SSH2: variants seen among roughly 807,000 people sequenced by gnomAD.
SSH2 encodes the protein protein phosphatase Slingshot homolog 2.
Under a neutral mutation model 135.2 loss-of-function variants are expected in SSH2, and 37 were observed. That is an observed-to-expected ratio of 0.27 (90% CI 0.21 to 0.36). SSH2 has a LOEUF of 0.36. Among genes scored for constraint, SSH2 ranks in the 10% least tolerant of loss-of-function variants. The pLI, the probability that SSH2 is intolerant of heterozygous loss-of-function variation, is 1.00. For synonymous variants in SSH2, 628 were observed against 646.2 expected (o/e 0.97, Z 0.43); for missense variants, 1,408 against 1,765.3 (o/e 0.80, Z 3.63).
At chr17:29,743,321 G>T (rs1431031939) in intron 3 of SSH2, among the ~76,000 whole-genome samples, 2 of 152,026 alleles carry the variant, frequency 1.3e-5, no homozygotes, top group Non-Finnish European at 1.5e-5. Context: ...AATTTCTCCT[G>T]AAGTTATTTA....
intron 2 of SSH2, among the ~76,000 whole-genome samples, chr17:29,801,057 G>A (rs1946148454): frequency 6.6e-6 from 1 of 151,806 alleles, no homozygotes; most frequent in Admixed American, 6.6e-5. Flanking sequence ...TAGAGATGGG[G>A]TTTTGCCATG....
At chr17:29,704,311 G>C (rs947567170) in intron 3 of SSH2, among the ~76,000 whole-genome samples, 8 of 152,158 alleles carry the variant, frequency 5.3e-5, no homozygotes, top group Non-Finnish European at 1.2e-4. Context: ...TCAGTGAAAA[G>C]TAGTAGGCAG....
chr17:29,888,072 A>T (rs1256656171), intron 1 of SSH2, among the ~76,000 whole-genome samples: 2 of 152,128 alleles, frequency 1.3e-5, no homozygotes, highest in South Asian at 4.1e-4. Context: ...TCTCATTTCT[A>T]CAAAAAAATT....
At chr17:29,738,806 G>A (rs367840523) in intron 3 of SSH2, among the ~76,000 whole-genome samples, 1 of 151,806 alleles carries the variant, frequency 6.6e-6, no homozygotes, top group East Asian at 1.9e-4. Flanking sequence ...CGCCCGCCCC[G>A]GCCTCCCAAA....
At chr17:29,695,601 C>G (rs763324820) in intron 4 of SSH2, 78 bp from the exon 5 acceptor site, 13 of 1,318,780 alleles carry the variant, frequency 9.9e-6, no homozygotes, top group Non-Finnish European at 9.6e-6. Flanking sequence ...ACTTTAGTGA[C>G]TTTTGTAAAA....
intron 12 of SSH2, among the ~76,000 whole-genome samples, 162 bp downstream of exon 12, chr17:29,655,399 G>A (rs1219844581): frequency 6.6e-6 from 1 of 152,090 alleles, no homozygotes; most frequent in Non-Finnish European, 1.5e-5. Context: ...CACCGTGCCC[G>A]GCCCAGCTAT....
chr17:29,922,420 A>T (rs2066991599), intron 1 of SSH2, among the ~76,000 whole-genome samples: 1 of 152,230 alleles, frequency 6.6e-6, no homozygotes, highest in African/African-American at 2.4e-5. Flanking sequence ...AGGAAATACG[A>T]TTGAAGTGAG....
chr17:29,807,705 G>A (rs1201358105), intron 2 of SSH2, among the ~76,000 whole-genome samples: 2 of 152,112 alleles, frequency 1.3e-5, no homozygotes, highest in Non-Finnish European at 2.9e-5. Flanking sequence ...TTAAAACCCA[G>A]AGCTTTCCTT....
At chr17:29,729,584 T>C (rs145753634) in intron 3 of SSH2, among the ~76,000 whole-genome samples, 14 of 152,328 alleles carry the variant, frequency 9.2e-5, no homozygotes, top group African/African-American at 3.4e-4. Flanking sequence ...ATATCTGTAC[T>C]TCCATGTTCT....
chr17:29,748,054 T>C (rs1198957705), intron 3 of SSH2, among the ~76,000 whole-genome samples: 1 of 152,224 alleles, frequency 6.6e-6, no homozygotes, highest in Non-Finnish European at 1.5e-5. Context: ...TCTAGACTTA[T>C]CAAAAAGAAA....
intron 2 of SSH2, among the ~76,000 whole-genome samples, chr17:29,800,767 A>G (rs1455441662): frequency 6.6e-6 from 1 of 151,916 alleles, no homozygotes. Flanking sequence ...TAAAGAGTAT[A>G]ATTACTTCTT....
intron 2 of SSH2, among the ~76,000 whole-genome samples, chr17:29,816,173 G>T (rs2042556382): frequency 6.6e-6 from 1 of 152,114 alleles, no homozygotes; most frequent in Admixed American, 6.5e-5. Flanking sequence ...TTAAACTGGG[G>T]TACAAGTATC....
intron 2 of SSH2, among the ~76,000 whole-genome samples, chr17:29,797,393 A>T (rs2042176923): frequency 6.6e-6 from 1 of 152,132 alleles, no homozygotes; most frequent in African/African-American, 2.4e-5. Flanking sequence ...ATTGTTCATT[A>T]AATGGGATTA....
intron 1 of SSH2, among the ~76,000 whole-genome samples, chr17:29,862,980 A>G (rs1161220263): frequency 1.3e-5 from 2 of 152,176 alleles, no homozygotes; most frequent in Non-Finnish European, 2.9e-5. Context: ...GGGTTGGCAA[A>G]CTATAGCCTG....
chr17:29,866,324 A>G (rs2065855579), intron 1 of SSH2, among the ~76,000 whole-genome samples: 1 of 152,118 alleles, frequency 6.6e-6, no homozygotes, highest in Admixed American at 6.6e-5. Flanking sequence ...TACCAAAAGC[A>G]AAGTGGGGTT....
Position 29,708,763 on chromosome 17 carries a change from C to T in SSH2, c.189-5701G>A, listed in dbSNP as rs532430786. On this transcript the variant is annotated intron_variant, in intron 3 of 15. Transcript: ENST00000540801. ...CAGATACCTAAGTTAAATATAACCCCGAAGGACTTAAGAAGCCCCACAGTA... is the reference window on the plus strand; with the variant it reads ...CAGATACCTAAGTTAAATATAACCCTGAAGGACTTAAGAAGCCCCACAGTA... Among the ~76,000 whole-genome samples the T allele has an allele frequency of 4.6e-5, 7 of 151,180 alleles. No individual in the cohort carries two copies. The South Asian group carries it at 6.3e-4, about 13-fold the overall frequency.
intron 1 of SSH2, among the ~76,000 whole-genome samples, chr17:29,906,437 CAGGATAT>C (rs2066655328): frequency 6.6e-6 from 1 of 152,158 alleles, no homozygotes; most frequent in East Asian, 1.9e-4. Flanking sequence ...CAATACCATT[CAGGATAT>C]AGGCATGGAC....
chr17:29,665,144 C>T (rs1051294696), intron 11 of SSH2, among the ~76,000 whole-genome samples: 5 of 152,104 alleles, frequency 3.3e-5, no homozygotes, highest in African/African-American at 9.7e-5. Flanking sequence ...ATAGATAACA[C>T]AAAGATTCTT....
At chr17:29,878,861 A>C (rs1347540351) in intron 1 of SSH2, among the ~76,000 whole-genome samples, 1 of 152,228 alleles carries the variant, frequency 6.6e-6, no homozygotes, top group East Asian at 1.9e-4. Context: ...TATATAAAAA[A>C]TGGATAGGCA....
Sources: allele counts gnomAD v4.1 joint callset (sites outside exome capture counted in the v4.1 genomes callset), GRCh38; gene constraint gnomAD v4.1.1; transcripts MANE v1.5; gene names NCBI Gene and HGNC (gene_info 2026-07-23, HGNC 2026-07-21).